Variants in ATP2B1 observed in about 807,000 individuals in gnomAD.
The protein encoded by ATP2B1 is plasma membrane calcium-transporting ATPase 1.
ATP2B1 carries 14 observed loss-of-function variants against 124.2 expected under a neutral mutation model. The observed-to-expected ratio is 0.11, with a 90% CI of 0.07 to 0.18. The LOEUF is 0.18. ATP2B1 is among the 10% of genes least tolerant of loss of function. The probability of loss-of-function intolerance (pLI) is 1.00; values close to 1 mark genes in which losing one functional copy is unlikely to be tolerated. For synonymous variants in ATP2B1, 449 were observed against 492.4 expected, an observed-to-expected ratio of 0.91 and a Z score of 1.17; for missense variants, 763 against 1,466.1, an observed-to-expected ratio of 0.52 and a Z score of 7.83.
rs1294839956 is a variant in ATP2B1, at chr12:89,589,383, A to G, written c.*1601T>C. On this transcript the variant is annotated 3_prime_UTR_variant, in exon 21 of 21. Coordinates refer to ENST00000428670, the MANE Select transcript of ATP2B1 (RefSeq NM_001366521.1). ...AGGTAGATGAAGGAAAGAAAAAGAGAGCTAAAGAATCCAATTGGCTTAGAG... is the reference window on the plus strand; with the variant it reads ...AGGTAGATGAAGGAAAGAAAAAGAGGGCTAAAGAATCCAATTGGCTTAGAG... The G allele has an allele frequency of 6.6e-6, 1 of 152,370 alleles. No individual in the cohort carries two copies. Among genetic ancestry groups the G allele is most frequent in the African/African-American group, 2.4e-5 (1 of 41,450 alleles). 9.4% of individuals were successfully genotyped at this position (152,370 alleles called of 1,614,324 possible). A position where few individuals can be genotyped will look rare whatever the true frequency, so the allele number is the denominator to read the frequency against.
intron 1 of ATP2B1, among the ~76,000 whole-genome samples, chr12:89,658,238 C>T (rs1886192194): frequency 6.6e-6 from 1 of 152,180 alleles, no homozygotes; most frequent in South Asian, 2.1e-4. Flanking sequence ...TTTTCCTCAA[C>T]AACTCCTGGC....
intron 20 of ATP2B1, among the ~76,000 whole-genome samples, chr12:89,592,479 G>C (rs1444379744): frequency 6.6e-6 from 1 of 152,030 alleles, no homozygotes; most frequent in African/African-American, 2.4e-5. Context: ...GTAATGTAGA[G>C]TTTAGGGCCA....
chr12:89,624,263 T>G lies in ATP2B1; in HGVS notation c.1264A>C (p.Ile422Leu). The change falls in exon 9 of 21, where the codon ATT becomes CTT. Residue 422 changes from isoleucine to leucine, a missense_variant. Coordinates refer to ENST00000428670, the MANE Select transcript of ATP2B1 (RefSeq NM_001366521.1). ...GCGACCACTAAAACTGTAACTCCAA[T>G]AATGAAGAACTTCACAAAGTATTGT... The part of the protein sequence containing the change: ...YIQYFVKFFI[I>L]GVTVLVVAVP... 1 of 1,614,206 alleles carries G rather than the reference T, an allele frequency of 6.2e-7. No individual in the cohort carries two copies. The highest frequency in any genetic ancestry group is 1.7e-5 in the Admixed American group (1 of 60,024).
chr12:89,590,389 T>A lies in ATP2B1; in HGVS notation c.*595A>T, dbSNP rs1873337092. On this transcript the variant is annotated 3_prime_UTR_variant, in exon 21 of 21. Coordinates refer to ENST00000428670, the MANE Select transcript of ATP2B1 (RefSeq NM_001366521.1). ...TAACAAGGTAAATTGTAGGCAAAAA[T>A]TTAGTACAGTTTCAATAGAAACACC... is the stretch of plus-strand genomic sequence containing the variant. 6.6e-6 allele frequency: 1 copy of A among 152,288 alleles called. No individual in the cohort carries two copies. Among genetic ancestry groups the A allele is most frequent in the Non-Finnish European group, 1.5e-5 (1 of 67,930 alleles). The allele number at this position is 152,288 out of a possible 1,614,324, so 9.4% of individuals were successfully genotyped here.
chr12:89,699,439 TAAAAGAC>T (rs1891554437), intron 1 of ATP2B1, among the ~76,000 whole-genome samples: 1 of 152,200 alleles, frequency 6.6e-6, no homozygotes, highest in Non-Finnish European at 1.5e-5. Context: ...ACAAAGTAGT[TAAAAGAC>T]AAAATTGGAA....
chr12:89,643,866 G>A (rs1464542394), intron 2 of ATP2B1, among the ~76,000 whole-genome samples: 1 of 152,194 alleles, frequency 6.6e-6, no homozygotes, highest in East Asian at 1.9e-4. Context: ...AAGGCAGGCA[G>A]ATCACCTGAG....
At chr12:89,597,810 GTTATT>G (rs1376503319) in intron 20 of ATP2B1, among the ~76,000 whole-genome samples, 2 of 151,972 alleles carry the variant, frequency 1.3e-5, no homozygotes, top group South Asian at 2.1e-4. Context: ...GAAAGAAAAT[GTTATT>G]TTAGTCAATT....
At chr12:89,614,645 C>T (rs1472238143) in intron 12 of ATP2B1, among the ~76,000 whole-genome samples, 2 of 152,188 alleles carry the variant, frequency 1.3e-5, no homozygotes, top group East Asian at 1.9e-4. Flanking sequence ...TCCCTAGCTA[C>T]ACACTTTCTC....
chr12:89,653,294 T>C (rs1028735010), intron 2 of ATP2B1, among the ~76,000 whole-genome samples: 7 of 138,564 alleles, frequency 5.1e-5, no homozygotes, highest in Middle Eastern at 7.2e-3. Flanking sequence ...TTTTTTTTTT[T>C]TTTTTTTTTT....
chr12:89,639,740 T>C (rs1272446307), intron 3 of ATP2B1, among the ~76,000 whole-genome samples: 1 of 152,114 alleles, frequency 6.6e-6, no homozygotes, highest in Non-Finnish European at 1.5e-5. Flanking sequence ...TGGATTTTAA[T>C]ACCTGTATCT....
chr12:89,622,299 A>AT (rs11400348), intron 9 of ATP2B1, among the ~76,000 whole-genome samples: 122,187 of 150,806 alleles, frequency 0.81, 49,657 homozygotes, highest in Admixed American at 0.85. Context: ...TAGTTGCTTG[A>AT]TTTTTTTTTA....
intron 2 of ATP2B1, among the ~76,000 whole-genome samples, chr12:89,652,057 T>C (rs1441450525): frequency 2.6e-5 from 4 of 152,184 alleles, no homozygotes; most frequent in African/African-American, 9.7e-5. Context: ...ATATTTCTGA[T>C]TTCCCTTCTC....
At chr12:89,658,952 A>G (rs1886339495) in intron 1 of ATP2B1, among the ~76,000 whole-genome samples, 1 of 152,206 alleles carries the variant, frequency 6.6e-6, no homozygotes, top group South Asian at 2.1e-4. Context: ...CAAATTATGC[A>G]GCAGGTTGTT....
intron 19 of ATP2B1, among the ~76,000 whole-genome samples, chr12:89,600,618 G>A (rs192071284): frequency 2.0e-5 from 3 of 150,848 alleles, no homozygotes; most frequent in Admixed American, 2.0e-4. Flanking sequence ...GCTGCATATT[G>A]GATTAAATTA....
intron 12 of ATP2B1, among the ~76,000 whole-genome samples, 200 bp downstream of exon 12, chr12:89,616,602 C>T (rs1292148624): frequency 6.6e-6 from 1 of 152,064 alleles, no homozygotes; most frequent in South Asian, 2.1e-4. Context: ...ACATAGGATC[C>T]CAAAGAGACA....
chr12:89,609,813 T>C, intron 15 of ATP2B1, 124 bp downstream of exon 15: 1 of 766,144 alleles, frequency 1.3e-6, no homozygotes, highest in Non-Finnish European at 2.1e-6. Flanking sequence ...TTATTAATTA[T>C]CCCTCGAACT....
chr12:89,614,312 C>T (rs776096146), intron 12 of ATP2B1, among the ~76,000 whole-genome samples: 1 of 152,066 alleles, frequency 6.6e-6, no homozygotes, highest in African/African-American at 2.4e-5. Context: ...GTACTCCAGC[C>T]TGGGCAACAT....
At position 89,634,766 on chromosome 12, in the gene ATP2B1, T is replaced by C. The variant is rs771623671; in HGVS notation, c.787+12A>G. On this transcript the variant is annotated intron_variant, in intron 5 of 20. Coordinates refer to ENST00000428670, the MANE Select transcript of ATP2B1 (RefSeq NM_001366521.1). ...AGAGGAAAGTGTTCAAAGATATAAA[T>C]GAAATTTTTACCTGATAGAAGTAAG... is the stretch of plus-strand genomic sequence containing the variant. The C allele has an allele frequency of 1.9e-6, 3 of 1,572,576 alleles. No individual in the cohort carries two copies. The highest frequency in any genetic ancestry group is 2.0e-5 in the Admixed American group (1 of 50,342).
intron 1 of ATP2B1, among the ~76,000 whole-genome samples, chr12:89,664,657 C>G (rs1011902130): frequency 6.6e-6 from 1 of 152,124 alleles, no homozygotes; most frequent in African/African-American, 2.4e-5. Context: ...CTCAGTTGAT[C>G]GAACACTTCA....
Sources: allele counts gnomAD v4.1 joint callset (sites outside exome capture counted in the v4.1 genomes callset), GRCh38; gene constraint gnomAD v4.1.1; transcripts MANE v1.5; gene names NCBI Gene and HGNC (gene_info 2026-07-23, HGNC 2026-07-21).